STARD13: variants seen among roughly 807,000 people sequenced by gnomAD.
STARD13 encodes the protein stAR-related lipid transfer protein 13.
STARD13 carries 62 observed loss-of-function variants against 106.4 expected under a neutral mutation model. That is an observed-to-expected ratio of 0.58 (90% CI 0.48 to 0.72). The LOEUF (loss-of-function observed/expected upper bound fraction) is 0.72. STARD13 is among the 30% of genes least tolerant of loss of function. The probability of loss-of-function intolerance (pLI) is 0.00; values close to 1 mark genes in which losing one functional copy is unlikely to be tolerated. For synonymous variants in STARD13, 565 were observed against 553.0 expected, an observed-to-expected ratio of 1.02 and a Z score of -0.31; for missense variants, 1,387 against 1,424.0, an observed-to-expected ratio of 0.97 and a Z score of 0.42.
chr13:33,588,802 A>T, the STARD13 span, among the ~76,000 whole-genome samples: 1 of 152,142 alleles, frequency 6.6e-6, no homozygotes, highest in African/African-American at 2.4e-5. Flanking sequence ...TTCATTCCTT[A>T]TTCACTCATT....
At chr13:33,569,892 A>G in the STARD13 span, among the ~76,000 whole-genome samples, 2 of 147,576 alleles carry the variant, frequency 1.4e-5, 1 homozygote, top group Non-Finnish European at 3.0e-5. Flanking sequence ...TGAGAATGAT[A>G]TAATGGACTT....
chr13:33,432,227 A>G, the STARD13 span, among the ~76,000 whole-genome samples: 55 of 152,266 alleles, frequency 3.6e-4, no homozygotes, highest in African/African-American at 1.2e-3. Context: ...AGCTTTTCTG[A>G]TGGTGCCTAT....
At chr13:33,384,639 A>G in the STARD13 span, among the ~76,000 whole-genome samples, 4 of 152,240 alleles carry the variant, frequency 2.6e-5, no homozygotes, top group Admixed American at 6.5e-5. Flanking sequence ...ATAAGGACTC[A>G]AAGTACAGAG....
chr13:33,282,361 A>G (rs1192532263), intron 1 of STARD13, among the ~76,000 whole-genome samples: 2 of 152,210 alleles, frequency 1.3e-5, no homozygotes, highest in African/African-American at 4.8e-5. Context: ...GAGCAAGTTT[A>G]GATTCATCCT....
the STARD13 span, among the ~76,000 whole-genome samples, chr13:33,539,753 C>CTCA: frequency 6.6e-6 from 1 of 152,160 alleles, no homozygotes; most frequent in African/African-American, 2.4e-5. Context: ...TATTGTGAAT[C>CTCA]TCAGAAATGA....
the STARD13 span, among the ~76,000 whole-genome samples, chr13:33,520,591 C>G: frequency 6.6e-6 from 1 of 152,102 alleles, no homozygotes; most frequent in African/African-American, 2.4e-5. Context: ...CAGCTTGCCC[C>G]TCGGGTAGTG....
chr13:33,638,756 A>C, the STARD13 span, among the ~76,000 whole-genome samples: 3 of 152,292 alleles, frequency 2.0e-5, no homozygotes, highest in South Asian at 6.2e-4. Context: ...GTACGTCCTG[A>C]ACTAGTTTTT....
At chr13:33,211,591 C>T (rs566849888) in intron 1 of STARD13, among the ~76,000 whole-genome samples, 49 of 152,288 alleles carry the variant, frequency 3.2e-4, no homozygotes, top group South Asian at 1.2e-3. Context: ...CATACATCCT[C>T]CTGTATACCT....
At chr13:33,157,095 T>C (rs1316677492) in intron 3 of STARD13, among the ~76,000 whole-genome samples, 1 of 152,208 alleles carries the variant, frequency 6.6e-6, no homozygotes, top group East Asian at 1.9e-4. Context: ...TTATTCAACA[T>C]ACTCGAATCA....
At chr13:33,432,368 A>AT in the STARD13 span, among the ~76,000 whole-genome samples, 1,887 of 152,102 alleles carry the variant, frequency 0.012, 36 homozygotes, top group African/African-American at 0.044. Flanking sequence ...ATGTGGAGTG[A>AT]TTTTTTTTAA....
chr13:33,555,861 C>T, the STARD13 span, among the ~76,000 whole-genome samples: 1 of 152,190 alleles, frequency 6.6e-6, no homozygotes, highest in Non-Finnish European at 1.5e-5. Flanking sequence ...GATGTTCAAT[C>T]TCTTGTTAGT....
At position 33,109,992 on chromosome 13, in the gene STARD13, C is replaced by T. The variant is rs773919175; in HGVS notation, c.2928G>A (p.Leu976=). Residue 976 remains leucine, a synonymous_variant, in exon 12 of 14, where the codon CTG becomes CTA. Transcript: ENST00000336934. ...VLNRVLRERH[L]WDEDFVQWKV... The stretch of plus-strand genomic sequence containing the variant: ...TCCACTGCACAAAGTCCTCGTCCCA[C>T]AGGTGGCGCTCTCTCAGCACGCGGT... The T allele has an allele frequency of 1.9e-6, 3 of 1,614,246 alleles. No homozygotes were observed.
At chr13:33,208,282 G>A (rs773081255) in intron 1 of STARD13, among the ~76,000 whole-genome samples, 11 of 152,082 alleles carry the variant, frequency 7.2e-5, no homozygotes, top group Non-Finnish European at 1.3e-4. Context: ...AGAAAACATG[G>A]CGGGGTTGTA....
chr13:33,228,870 C>A (rs1566086500), intron 1 of STARD13, among the ~76,000 whole-genome samples: 1 of 152,128 alleles, frequency 6.6e-6, no homozygotes, highest in African/African-American at 2.4e-5. Context: ...TGGTACGTAA[C>A]CTCACAGTAA....
chr13:33,662,756 A>G, the STARD13 span, among the ~76,000 whole-genome samples: 2 of 152,178 alleles, frequency 1.3e-5, no homozygotes, highest in African/African-American at 4.8e-5. Context: ...GTTAAAACGA[A>G]TTTTTAAAGC....
At chr13:33,517,846 A>C in the STARD13 span, among the ~76,000 whole-genome samples, 1 of 152,110 alleles carries the variant, frequency 6.6e-6, no homozygotes, top group Non-Finnish European at 1.5e-5. Context: ...AACCATTGTC[A>C]ATCCATGATG....
chr13:33,614,605 A>C, the STARD13 span, among the ~76,000 whole-genome samples: 3 of 152,318 alleles, frequency 2.0e-5, no homozygotes, highest in East Asian at 1.9e-4. Context: ...ACTTTTAAAC[A>C]TAATCAAGTG....
chr13:33,360,726 A>AATCCTTCTGTGTAGT, the STARD13 span, among the ~76,000 whole-genome samples: 1 of 134,638 alleles, frequency 7.4e-6, no homozygotes, highest in Admixed American at 7.2e-5. Context: ...AGACAGAAGG[A>AATCCTTCTGTGTAGT]CATATTGTTG....
At chr13:33,183,836 C>A (rs774454053) in intron 1 of STARD13, among the ~76,000 whole-genome samples, 3 of 152,140 alleles carry the variant, frequency 2.0e-5, no homozygotes, top group African/African-American at 7.2e-5. Flanking sequence ...ACCCAATTCC[C>A]CCAGGCTGCC....
Sources: allele counts gnomAD v4.1 joint callset (sites outside exome capture counted in the v4.1 genomes callset), GRCh38; gene constraint gnomAD v4.1.1; transcripts MANE v1.5; gene names NCBI Gene and HGNC (gene_info 2026-07-23, HGNC 2026-07-21).